BAHCC1: variants seen among roughly 807,000 people sequenced by gnomAD.
The protein encoded by BAHCC1 is BAH and coiled-coil domain-containing protein 1.
Under a neutral mutation model 88.2 loss-of-function variants are expected in BAHCC1, and 43 were observed. That is an observed-to-expected ratio of 0.49 (90% confidence interval 0.38 to 0.63). BAHCC1 has a LOEUF of 0.63. BAHCC1 is among the 20% of genes least tolerant of loss of function. The pLI is 0.00. For missense variants in BAHCC1, 3,023 were observed against 1,654.8 expected, an observed-to-expected ratio of 1.83 and a Z score of -14.34; for synonymous variants, 1,510 against 745.5, an observed-to-expected ratio of 2.03 and a Z score of -16.71.
chr17:81,460,664 T>C lies in BAHCC1; in HGVS notation c.6160T>C (p.Leu2054=). Residue 2054 remains leucine (L), a synonymous_variant, in exon 25 of 28, where the codon TTG becomes CTG. Transcript: ENST00000675386. The part of the protein sequence containing the change: ...SPKAQDGPEA[L]KTPGKKSISK... ...CAAAGCACAGGACGGCCCCGAAGCTTTGAAGACACCTGGGAAAAAATCCAT... is the reference window on the plus strand; with the variant it reads ...CAAAGCACAGGACGGCCCCGAAGCTCTGAAGACACCTGGGAAAAAATCCAT... 1 of 773,152 alleles carries C rather than the reference T, an allele frequency of 1.3e-6. No homozygotes were observed. The highest frequency in any genetic ancestry group is 2.4e-6 in the Non-Finnish European group (1 of 414,784). 47.9% of individuals were successfully genotyped at this position (773,152 alleles called of 1,614,324 possible).
rs2030417931 is a variant in BAHCC1, at chr17:81,462,785, A to G, written c.7429A>G (p.Ile2477Val). The change falls in exon 27 of 28, where the codon ATC becomes GTC. Residue 2477 changes from isoleucine (I) to valine (V), a missense_variant. By Grantham distance (29) the Ile-to-Val change is conservative. Coordinates refer to ENST00000675386, the MANE Select transcript of BAHCC1 (RefSeq NM_001377448.1). ...GGCCCGGAAGCTGTTCTACAAGGCC[A>G]TCGTGCGGGGCGAGGAGACCCTGCG... ...GKARKLFYKA[I>V]VRGEETLRVG... 1 of 778,928 alleles carries G rather than the reference A, an allele frequency of 1.3e-6. No homozygotes were observed. Among genetic ancestry groups the G allele is most frequent in the Non-Finnish European group, 2.4e-6 (1 of 417,060 alleles). 48.3% of individuals were successfully genotyped at this position (778,928 alleles called of 1,614,324 possible). A position where few individuals can be genotyped will look rare whatever the true frequency, so the allele number is the denominator to read the frequency against.
At chr17:81,407,389 G>A (rs545867264) in intron 2 of BAHCC1, 11 of 520,078 alleles carry the variant, frequency 2.1e-5, no homozygotes, top group South Asian at 5.6e-5. Flanking sequence ...GTCTCAGTGC[G>A]ACTCCCTCTC....
intron 2 of BAHCC1, among the ~76,000 whole-genome samples, chr17:81,419,014 A>T (rs2064079618): frequency 6.6e-6 from 1 of 151,792 alleles, no homozygotes; most frequent in African/African-American, 2.4e-5. Flanking sequence ...GGTGCACCCC[A>T]CATCTCGAGT....
Position 81,445,692 on chromosome 17 carries a change from C to G in BAHCC1, c.3163+11C>G, listed in dbSNP as rs1358046548. 3 of 720,724 alleles carry G rather than the reference C, an allele frequency of 4.2e-6. No homozygotes were observed. Among genetic ancestry groups the G allele is most frequent in the Non-Finnish European group, 7.7e-6 (3 of 387,418 alleles). The allele number at this position is 720,724 out of a possible 1,614,324, so 44.6% of individuals were successfully genotyped here. On this transcript the variant is annotated intron_variant, in intron 10 of 27. Coordinates refer to ENST00000675386, the MANE Select transcript of BAHCC1 (RefSeq NM_001377448.1). ...TCACATCCGAACCAGGTGAGAGTAG[C>G]CGCCTGGCCCGGCCCACTGTGCTCC... is the stretch of plus-strand genomic sequence containing the variant.
At chr17:81,430,394 G>C (rs887315747) in intron 3 of BAHCC1, among the ~76,000 whole-genome samples, 24 of 152,268 alleles carry the variant, frequency 1.6e-4, no homozygotes, top group South Asian at 4.1e-4. Context: ...GCACACACAC[G>C]CGCTGGCTCT....
chr17:81,430,163 TG>T (rs1199449152), intron 3 of BAHCC1, among the ~76,000 whole-genome samples: 1 of 151,498 alleles, frequency 6.6e-6, no homozygotes, highest in African/African-American at 2.4e-5. Flanking sequence ...AGAGCAGGGG[TG>T]GGGGCACACA....
chr17:81,452,682 G>T, intron 13 of BAHCC1, 41 bp from the exon 14 acceptor site: 1 of 710,160 alleles, frequency 1.4e-6, no homozygotes, highest in South Asian at 1.5e-5. Context: ...GGGGAGCTGG[G>T]TTGTGCATGA....
chr17:81,420,572 GTGT>G (rs1340563972), intron 2 of BAHCC1, among the ~76,000 whole-genome samples: 3 of 152,250 alleles, frequency 2.0e-5, no homozygotes, highest in Non-Finnish European at 4.4e-5. Context: ...AGCCCTCCTG[GTGT>G]TGCTGTCTCC....
chr17:81,455,151 G>A (rs1451155801), intron 14 of BAHCC1, 116 bp from the exon 15 acceptor site: 11 of 633,538 alleles, frequency 1.7e-5, no homozygotes, highest in East Asian at 5.5e-5. Flanking sequence ...TGCCCGAGAC[G>A]TGGGGCCCTT....
chr17:81,442,073 G>A lies in BAHCC1; in HGVS notation c.724G>A (p.Glu242Lys). The part of the protein sequence containing the change: ...AAEGKERPAA[E>K]EDGGKERHKL... ...TGAGGGCAAGGAGCGGCCAGCGGCA[G>A]AGGAGGACGGTGGCAAGGAGCGGCA... The change falls in exon 5 of 28, where the codon GAG (glutamate) becomes AAG (lysine). Residue 242 changes from glutamate (E) to lysine (K), a missense_variant. Coordinates refer to ENST00000675386, the MANE Select transcript of BAHCC1 (RefSeq NM_001377448.1). 1 of 711,568 alleles carries A rather than the reference G, an allele frequency of 1.4e-6. No individual in the cohort carries two copies. Among genetic ancestry groups the A allele is most frequent in the Non-Finnish European group, 2.6e-6 (1 of 381,984 alleles). 44.1% of individuals were successfully genotyped at this position (711,568 alleles called of 1,614,324 possible).
intron 3 of BAHCC1, among the ~76,000 whole-genome samples, chr17:81,433,232 T>C (rs1306348969): frequency 2.6e-5 from 4 of 152,024 alleles, no homozygotes; most frequent in African/African-American, 9.7e-5. Context: ...CAACCACTCA[T>C]GTCCCGGGAG....
At chr17:81,397,959 A>G (rs1315789137) in intron 1 of BAHCC1, among the ~76,000 whole-genome samples, 1 of 152,282 alleles carries the variant, frequency 6.6e-6, no homozygotes, top group Non-Finnish European at 1.5e-5. Context: ...TATAGATTAA[A>G]TCAAACACAA....
intron 2 of BAHCC1, among the ~76,000 whole-genome samples, chr17:81,424,760 T>C (rs1598470798): frequency 6.7e-6 from 1 of 150,052 alleles, no homozygotes; most frequent in Non-Finnish European, 1.5e-5. Context: ...GTTGGGGTGG[T>C]GTTGATGTGG....
intron 2 of BAHCC1, chr17:81,406,811 C>T (rs1598452230): frequency 4.5e-6 from 2 of 446,818 alleles, no homozygotes; most frequent in Non-Finnish European, 9.0e-6. Flanking sequence ...GTTATGAGGT[C>T]GGCGCGGGGT....
chr17:81,454,095 G>C (rs575507149), intron 14 of BAHCC1, among the ~76,000 whole-genome samples: 1 of 152,360 alleles, frequency 6.6e-6, no homozygotes, highest in African/African-American at 2.4e-5. Context: ...GCAGGTGGGG[G>C]TTGAAAGGTG....
At chr17:81,409,928 C>G (rs146172341) in intron 2 of BAHCC1, 1 of 189,446 alleles carries the variant, frequency 5.3e-6, no homozygotes, top group Admixed American at 6.2e-5. Context: ...CTGGCCTCAG[C>G]GCCTGCCCGA....
In BAHCC1 at chr17:81,465,523, A is replaced by C. The variant is rs2030644600; in HGVS notation, c.*1706A>C. ...CCACACACTCCTTATATCCTCCCACACTAAGGTTCCCCTGGCCCCACGGGA... is the reference window on the plus strand; with the variant it reads ...CCACACACTCCTTATATCCTCCCACCCTAAGGTTCCCCTGGCCCCACGGGA... On this transcript the variant is annotated 3_prime_UTR_variant, in exon 28 of 28. Transcript: ENST00000675386. 6.6e-6 allele frequency: 1 copy of C among 152,200 alleles called. No individual in the cohort carries two copies. Among genetic ancestry groups the C allele is most frequent in the South Asian group, 2.1e-4 (1 of 4,836 alleles). 9.4% of individuals were successfully genotyped at this position (152,200 alleles called of 1,614,324 possible).
chr17:81,418,788 C>CGTGTGCGTGTGT (rs1320362050), intron 2 of BAHCC1, among the ~76,000 whole-genome samples: 1 of 4,270 alleles, frequency 2.3e-4, no homozygotes, highest in Admixed American at 2.7e-3. Flanking sequence ...TGTGTGTGTA[C>CGTGTGCGTGTGT]GTGTGTGCGT....
In BAHCC1 at chr17:81,399,438, G is replaced by C. The variant is rs1179776332; in HGVS notation, c.-206-96G>C. ...GCCGCTCGCTCGGGCCGGCGGGGGT[G>C]GGGGGTGGGGGGAGTGGGTGAGCGG... On this transcript the variant is annotated intron_variant, in intron 1 of 27. Coordinates refer to ENST00000675386, the MANE Select transcript of BAHCC1 (RefSeq NM_001377448.1). This position sits in a 1 kb window ranked among gnomAD's most constrained non-coding sequence, Gnocchi z 4.5. 1.3e-5 allele frequency: 2 copies of C among 150,832 alleles called. No homozygotes were observed. The highest frequency in any genetic ancestry group is 1.3e-4 in the Admixed American group (2 of 14,864). The allele number at this position is 150,832 out of a possible 1,614,324, so 9.3% of individuals were successfully genotyped here.
Sources: gnomAD v4.1 joint callset for allele counts (sites outside exome capture counted in the v4.1 genomes callset) on GRCh38, gnomAD v4.1.1 for gene constraint, Gnocchi (gnomAD v3.1) non-coding constraint, MANE v1.5 for transcripts, NCBI Gene and HGNC (gene_info 2026-07-23, HGNC 2026-07-21) for gene names.